GMPS: variants seen among roughly 807,000 people sequenced by gnomAD.
GMPS encodes the protein GMP synthase [glutamine-hydrolyzing].
Under a neutral mutation model 77.9 loss-of-function variants are expected in GMPS, and 15 were observed. The ratio of observed to expected loss-of-function variants is 0.19; its 90% CI spans 0.13 to 0.30. The LOEUF is 0.30. Ranked by LOEUF, GMPS falls within the 10% of genes least tolerant of loss-of-function variation. GMPS has a pLI of 1.00. For synonymous variants in GMPS, 224 were observed against 275.9 expected, an observed-to-expected ratio of 0.81 and a Z score of 1.86; for missense variants, 590 against 838.8, an observed-to-expected ratio of 0.70 and a Z score of 3.66.
At chr3:155,903,120 A>T (rs974002414) in intron 3 of GMPS, among the ~76,000 whole-genome samples, 1 of 152,218 alleles carries the variant, frequency 6.6e-6, no homozygotes. Context: ...ATATCTTCTG[A>T]TATCTGTTGT....
intron 12 of GMPS, among the ~76,000 whole-genome samples, chr3:155,930,916 G>T (rs894988223): frequency 3.3e-5 from 5 of 152,074 alleles, no homozygotes; most frequent in Non-Finnish European, 7.4e-5. Flanking sequence ...CGACCTCGTT[G>T]GGCTCAGGTG....
At position 155,928,019 on chromosome 3, in the gene GMPS, C is replaced by CTTTTTTT. The variant is rs35962523; in HGVS notation, c.1560+2672_1560+2678dup. 5.4e-3 allele frequency among the ~76,000 whole-genome samples: 367 copies of CTTTTTTT among 67,810 alleles called. 7 individuals are homozygous for CTTTTTTT. The highest frequency in any genetic ancestry group is 6.6e-3 in the East Asian group (13 of 1,964). The allele number at this position is 67,810 out of a possible 152,430, so 44.5% of individuals were successfully genotyped here. On this transcript the variant is annotated intron_variant, in intron 12 of 15. Transcript: ENST00000496455. ...ATTTTATGTGCATGTGCATTTTACA[C>CTTTTTTT]TTTTTTTTTTTTTTTTTTTTTTTTT...
intron 1 of GMPS, among the ~76,000 whole-genome samples, chr3:155,878,667 TAGAG>T (rs1754120611): frequency 6.6e-6 from 1 of 152,076 alleles, no homozygotes; most frequent in Non-Finnish European, 1.5e-5. Context: ...AGGCTATAGA[TAGAG>T]AAATAGATAA....
chr3:155,871,812 C>G (rs995932185), intron 1 of GMPS, among the ~76,000 whole-genome samples: 1 of 152,232 alleles, frequency 6.6e-6, no homozygotes, highest in African/African-American at 2.4e-5. Context: ...CACGTTTGAC[C>G]GCTGCTGCTC....
intron 1 of GMPS, among the ~76,000 whole-genome samples, chr3:155,876,903 C>A (rs894618593): frequency 6.6e-6 from 1 of 152,220 alleles, no homozygotes; most frequent in Non-Finnish European, 1.5e-5. Context: ...AAATAATCTT[C>A]TCTAGTCTGC....
rs1260172243 is a variant in GMPS at position 155,876,910 on chromosome 3, C to G, written c.27+6013C>G. On this transcript the variant is annotated intron_variant, in intron 1 of 15. Transcript: ENST00000496455. ...CTAAGGTAAAATAATCTTCTCTAGT[C>G]TGCCATAACACTTGCAAGGGATGTT... is the stretch of plus-strand genomic sequence containing the variant. Among the ~76,000 whole-genome samples the G allele has an allele frequency of 2.0e-5, 3 of 152,216 alleles. No homozygotes were observed. The East Asian group carries it at 5.8e-4, about 29-fold the overall frequency.
Position 155,942,409 on chromosome 3 carries a change from C to T in GMPS, c.*4717C>T, listed in dbSNP as rs116136398. 5.8e-3 allele frequency: 1,244 copies of T among 215,814 alleles called. 6 individuals carry two copies. The highest frequency in any genetic ancestry group is 0.014 in the South Asian group (76 of 5,358). 13.4% of individuals were successfully genotyped at this position (215,814 alleles called of 1,614,324 possible). ...GGCAAGCATTTACAGTTTTAAATCTCCCAGTCAGAATAAATTCTTATTGAG... is the reference window on the plus strand; with the variant it reads ...GGCAAGCATTTACAGTTTTAAATCTTCCAGTCAGAATAAATTCTTATTGAG... On this transcript the variant is annotated 3_prime_UTR_variant, in exon 16 of 16. Transcript: ENST00000496455.
At position 155,870,836 on chromosome 3, in the gene GMPS, T is replaced by C; in HGVS notation, c.-35T>C. On this transcript the variant is annotated 5_prime_UTR_variant, in exon 1 of 16. Coordinates refer to ENST00000496455, the MANE Select transcript of GMPS (RefSeq NM_003875.3). Reference sequence around the variant, plus strand: ...CACCCTCCCGCCCCGTCTCGTACTGTCGCCGTCACCGCCGCGGCTCCGGCC... The same window carrying C: ...CACCCTCCCGCCCCGTCTCGTACTGCCGCCGTCACCGCCGCGGCTCCGGCC... 7.0e-7 allele frequency: 1 copy of C among 1,436,742 alleles called. No individual in the cohort carries two copies. Among genetic ancestry groups the C allele is most frequent in the Non-Finnish European group, 9.3e-7 (1 of 1,069,924 alleles). 89.0% of individuals were successfully genotyped at this position (1,436,742 alleles called of 1,614,324 possible).
intron 3 of GMPS, among the ~76,000 whole-genome samples, chr3:155,899,565 C>G (rs1754684562): frequency 6.6e-6 from 1 of 152,072 alleles, no homozygotes; most frequent in Non-Finnish European, 1.5e-5. Context: ...CATCCCACAC[C>G]AGAGTGATAC....
rs55770965 is a variant in GMPS at position 155,924,221 on chromosome 3, G to A, written c.1435-1020G>A. 2.5e-3 allele frequency among the ~76,000 whole-genome samples: 381 copies of A among 152,294 alleles called. 5 individuals carry two copies. The highest frequency in any genetic ancestry group is 0.017 in the Middle Eastern group (5 of 294). On this transcript the variant is annotated intron_variant, in intron 11 of 15. Coordinates refer to ENST00000496455, the MANE Select transcript of GMPS (RefSeq NM_003875.3). The stretch of plus-strand genomic sequence containing the variant: ...AGAACTGACTTGAGGAGAAGCAGCA[G>A]GATGCCAGGAGAAAGTCATGAGATA...
At chr3:155,871,412 C>T (rs1346657828) in intron 1 of GMPS, among the ~76,000 whole-genome samples, 1 of 152,172 alleles carries the variant, frequency 6.6e-6, no homozygotes, top group Non-Finnish European at 1.5e-5. Context: ...ACCCCGTTTC[C>T]CGCCTGCCCT....
At chr3:155,937,483 A>G in intron 15 of GMPS, 108 bp from the exon 16 acceptor site, 1 of 640,596 alleles carries the variant, frequency 1.6e-6, no homozygotes. Flanking sequence ...TACATGGAGG[A>G]CAATAGTGAA....
At chr3:155,872,863 A>T (rs939538606) in intron 1 of GMPS, among the ~76,000 whole-genome samples, 1 of 152,248 alleles carries the variant, frequency 6.6e-6, no homozygotes, top group African/African-American at 2.4e-5. Flanking sequence ...TGATTATTGT[A>T]TGTACCCCTG....
chr3:155,906,131 T>G, intron 4 of GMPS, 29 bp from the exon 5 acceptor site: 1 of 1,253,752 alleles, frequency 8.0e-7, no homozygotes, highest in Non-Finnish European at 1.1e-6. Context: ...AATTAAGATA[T>G]TTGTGTGTTT....
rs1308795738 is a variant in GMPS, at chr3:155,943,800, ATAT to A, written c.*6112_*6114del. 1 of 156,764 alleles carries A rather than the reference ATAT, an allele frequency of 6.4e-6. No homozygotes were observed. Among genetic ancestry groups the A allele is most frequent in the African/African-American group, 2.4e-5 (1 of 41,592 alleles). The allele number at this position is 156,764 out of a possible 1,614,324, so 9.7% of individuals were successfully genotyped here. On this transcript the variant is annotated 3_prime_UTR_variant, in exon 16 of 16. Coordinates refer to ENST00000496455, the MANE Select transcript of GMPS (RefSeq NM_003875.3). ...CAAGAAGTAAGAGCCAAGAGGACAG[ATAT>A]TATCAGAATATGGGACATAAGAAAT...
At chr3:155,879,132 G>T (rs13061643) in intron 1 of GMPS, among the ~76,000 whole-genome samples, 59,906 of 151,570 alleles carry the variant, frequency 0.4, 14,247 homozygotes, top group Non-Finnish European at 0.52. Context: ...TCAAATGCCA[G>T]TCTCTCCTGG....
intron 7 of GMPS, among the ~76,000 whole-genome samples, chr3:155,913,153 A>G (rs1458386548): frequency 1.3e-5 from 2 of 152,236 alleles, no homozygotes; most frequent in African/African-American, 4.8e-5. Context: ...CAGAATGCCA[A>G]TAGGCAGGAG....
chr3:155,901,776 A>C (rs973616366), intron 3 of GMPS, among the ~76,000 whole-genome samples: 1 of 151,992 alleles, frequency 6.6e-6, no homozygotes, highest in Non-Finnish European at 1.5e-5. Context: ...TGTTTACTAT[A>C]GACACTTGTT....
At chr3:155,869,660 G>A (rs1328795282), upstream of GMPS, among the ~76,000 whole-genome samples, 3 of 152,130 alleles carry the variant, frequency 2.0e-5, no homozygotes, top group Non-Finnish European at 2.9e-5. Context: ...TTGTAAAAAG[G>A]ATAAGAACAT....
Sources: allele counts gnomAD v4.1 joint callset (sites outside exome capture counted in the v4.1 genomes callset), GRCh38; gene constraint gnomAD v4.1.1; transcripts MANE v1.5; gene names NCBI Gene and HGNC (gene_info 2026-07-23, HGNC 2026-07-21).